The following ROBO2 variants were observed in gnomAD, a reference collection of about 807,000 sequenced individuals.
ROBO2 encodes the protein roundabout homolog 2.
A neutral mutation model predicts 160.8 loss-of-function variants in ROBO2; 53 were observed. That is an observed-to-expected ratio of 0.33 (90% CI 0.26 to 0.41). The LOEUF is 0.41. Ranked by LOEUF, ROBO2 falls within the 10% of genes least tolerant of loss-of-function variation. ROBO2 has a pLI of 1.00. For synonymous variants in ROBO2, 664 were observed against 611.7 expected (o/e 1.09, Z -1.26); for missense variants, 1,577 against 1,722.4 (o/e 0.92, Z 1.49).
chr3:76,908,426 T>G (rs1178313402), intron 2 of ROBO2, among the ~76,000 whole-genome samples: 1 of 152,092 alleles, frequency 6.6e-6, no homozygotes. Context: ...CCCAGATATA[T>G]CAGTCATTGA....
chr3:76,375,695 G>C (rs945341356), intron 2 of ROBO2, among the ~76,000 whole-genome samples: 1 of 151,960 alleles, frequency 6.6e-6, no homozygotes, highest in Non-Finnish European at 1.5e-5. Context: ...AAAACTAGTT[G>C]CAAGTAAAGT....
At chr3:75,960,198 G>A (rs1363213060) in intron 2 of ROBO2, among the ~76,000 whole-genome samples, 1 of 151,818 alleles carries the variant, frequency 6.6e-6, no homozygotes, top group African/African-American at 2.4e-5. Context: ...TAGTGAGTCA[G>A]CTTCTCCTGG....
At chr3:77,210,435 G>T (rs1408808363) in intron 2 of ROBO2, among the ~76,000 whole-genome samples, 2 of 151,914 alleles carry the variant, frequency 1.3e-5, no homozygotes, top group Non-Finnish European at 1.5e-5. Flanking sequence ...GTTAAAAATT[G>T]TCATATAACA....
intron 2 of ROBO2, among the ~76,000 whole-genome samples, chr3:76,147,917 A>G (rs540527385): frequency 2.8e-4 from 43 of 152,188 alleles, no homozygotes; most frequent in Middle Eastern, 3.4e-3. Context: ...ATCTCAAATG[A>G]AAAACTTAAC....
At chr3:76,415,900 TTTAAA>T (rs1362306933) in intron 2 of ROBO2, among the ~76,000 whole-genome samples, 1 of 152,216 alleles carries the variant, frequency 6.6e-6, no homozygotes, top group Non-Finnish European at 1.5e-5. Context: ...TCCAGATCAC[TTTAAA>T]TTAAATTGAT....
chr3:77,458,443 T>C (rs1000967535), intron 2 of ROBO2, among the ~76,000 whole-genome samples: 2 of 152,184 alleles, frequency 1.3e-5, no homozygotes, highest in African/African-American at 4.8e-5. Flanking sequence ...AGAAGCTGGC[T>C]TAAATTTTTC....
chr3:77,317,383 T>G, intron 2 of ROBO2: 1 of 1,071,380 alleles, frequency 9.3e-7, no homozygotes, highest in Non-Finnish European at 1.4e-6. Context: ...TTGTCGGGGT[T>G]CCATTTCTCC....
intron 13 of ROBO2, among the ~76,000 whole-genome samples, chr3:77,569,603 C>G (rs1583009245): frequency 6.6e-6 from 1 of 151,968 alleles, no homozygotes; most frequent in African/African-American, 2.4e-5. Context: ...AGTCTAGATA[C>G]AAATGCCTTA....
At chr3:76,037,235 A>T (rs183656357) in intron 2 of ROBO2, among the ~76,000 whole-genome samples, 51 of 151,714 alleles carry the variant, frequency 3.4e-4, no homozygotes, top group Non-Finnish European at 6.5e-4. Context: ...TGCTAAATTA[A>T]AAATGCATGT....
intron 2 of ROBO2, among the ~76,000 whole-genome samples, chr3:76,377,842 A>ACC (rs2076424137): frequency 6.6e-6 from 1 of 152,100 alleles, no homozygotes; most frequent in Non-Finnish European, 1.5e-5. Context: ...AATCATTGAT[A>ACC]ACCAAACTTG....
Position 77,297,044 on chromosome 3 carries a change from T to C in ROBO2, c.389-180370T>C, listed in dbSNP as rs146590163. Among the ~76,000 whole-genome samples, 507 of 152,224 alleles carry C rather than the reference T, an allele frequency of 3.3e-3. 10 individuals are homozygous for C. The highest frequency in any genetic ancestry group is 3.4e-3 in the Middle Eastern group (1 of 294). ...TTCATGGAGAAACTAAAAATTTTTT[T>C]TTTTTAGTCTGGAGTTATCACAAAG... On this transcript the variant is annotated intron_variant, in intron 2 of 25. Transcript: ENST00000461745.
intron 2 of ROBO2, among the ~76,000 whole-genome samples, chr3:77,263,267 T>C (rs1173675877): frequency 1.3e-5 from 2 of 152,204 alleles, no homozygotes; most frequent in Non-Finnish European, 2.9e-5. Flanking sequence ...TTAAGTTTTA[T>C]TTTAAGTTCA....
chr3:76,407,754 C>T (rs139164544), intron 2 of ROBO2, among the ~76,000 whole-genome samples: 17 of 151,964 alleles, frequency 1.1e-4, no homozygotes, highest in African/African-American at 3.9e-4. Context: ...ACTAAATTTT[C>T]AAAGTATTTT....
intron 2 of ROBO2, among the ~76,000 whole-genome samples, chr3:76,149,008 G>A (rs1236739044): frequency 6.6e-6 from 1 of 151,996 alleles, no homozygotes; most frequent in African/African-American, 2.4e-5. Flanking sequence ...CTCATCCAGA[G>A]CAGAACTCTT....
chr3:77,643,328 G>A (rs538986104), intron 24 of ROBO2, among the ~76,000 whole-genome samples: 10 of 152,294 alleles, frequency 6.6e-5, no homozygotes, highest in Admixed American at 4.6e-4. Context: ...CCAGTCATTC[G>A]AAAGGAGAAC....
chr3:76,746,837 G>T (rs1008084609), intron 2 of ROBO2, among the ~76,000 whole-genome samples: 1 of 151,988 alleles, frequency 6.6e-6, no homozygotes, highest in African/African-American at 2.4e-5. Context: ...CCCAGTGTTT[G>T]TTGTTACGCT....
chr3:76,825,269 C>CAATA (rs2066464854), intron 2 of ROBO2, among the ~76,000 whole-genome samples: 1 of 152,062 alleles, frequency 6.6e-6, no homozygotes, highest in South Asian at 2.1e-4. Flanking sequence ...GCCTGAAAGG[C>CAATA]AATAAATGGA....
chr3:75,938,173 T>C (rs1947883548), intron 2 of ROBO2, among the ~76,000 whole-genome samples: 1 of 151,844 alleles, frequency 6.6e-6, no homozygotes, highest in African/African-American at 2.4e-5. Flanking sequence ...AGCTGTAAGG[T>C]TGTGGCATCC....
intron 2 of ROBO2, among the ~76,000 whole-genome samples, chr3:76,202,198 T>G (rs1440817282): frequency 6.6e-6 from 1 of 152,200 alleles, no homozygotes; most frequent in East Asian, 1.9e-4. Context: ...ATGTTCTGTC[T>G]CACTTGAATG....
Sources: allele counts gnomAD v4.1 joint callset (sites outside exome capture counted in the v4.1 genomes callset), GRCh38; gene constraint gnomAD v4.1.1; transcripts MANE v1.5; gene names NCBI Gene and HGNC (gene_info 2026-07-23, HGNC 2026-07-21).